Variants in ENTREP2 observed in about 807,000 individuals in gnomAD.
ENTREP2 encodes protein ENTREP2.
the ENTREP2 span, among the ~76,000 whole-genome samples, chr15:29,439,301 A>G: frequency 4.8e-5 from 7 of 146,768 alleles, no homozygotes; most frequent in Non-Finnish European, 4.5e-5. Flanking sequence ...ACACACACAC[A>G]CACACACACA....
At chr15:29,148,051 A>G in the ENTREP2 span, among the ~76,000 whole-genome samples, 1 of 152,242 alleles carries the variant, frequency 6.6e-6, no homozygotes, top group Non-Finnish European at 1.5e-5. Context: ...AAACGGCCAC[A>G]TGTTGTATCA....
the ENTREP2 span, among the ~76,000 whole-genome samples, chr15:29,415,182 G>A: frequency 6.6e-6 from 1 of 152,086 alleles, no homozygotes; most frequent in Admixed American, 6.5e-5. Context: ...TACAAAGTCT[G>A]GCAGAGACAC....
At chr15:29,427,941 C>T in the ENTREP2 span, among the ~76,000 whole-genome samples, 1 of 152,146 alleles carries the variant, frequency 6.6e-6, no homozygotes, top group African/African-American at 2.4e-5. Context: ...GGACACTCTT[C>T]AGACCCATCA....
the ENTREP2 span, among the ~76,000 whole-genome samples, chr15:29,471,355 C>T: frequency 1.3e-5 from 2 of 152,334 alleles, no homozygotes; most frequent in East Asian, 1.9e-4. Flanking sequence ...GACCACACAG[C>T]GGCCCCTCGA....
At chr15:29,427,075 G>T in the ENTREP2 span, among the ~76,000 whole-genome samples, 1 of 152,094 alleles carries the variant, frequency 6.6e-6, no homozygotes, top group Non-Finnish European at 1.5e-5. Context: ...TTGACCCTAG[G>T]TGATTTATTT....
chr15:29,257,469 T>C, the ENTREP2 span, among the ~76,000 whole-genome samples: 1 of 152,230 alleles, frequency 6.6e-6, no homozygotes, highest in African/African-American at 2.4e-5. Context: ...ACGAACTGCC[T>C]TGTTCATATA....
At chr15:29,520,582 TAA>T in the ENTREP2 span, among the ~76,000 whole-genome samples, 2 of 140,066 alleles carry the variant, frequency 1.4e-5, no homozygotes, top group African/African-American at 5.2e-5. Flanking sequence ...ATGTTTCCTA[TAA>T]AAAAAAAAAA....
the ENTREP2 span, among the ~76,000 whole-genome samples, chr15:29,119,891 G>A: frequency 2.0e-5 from 3 of 152,156 alleles, no homozygotes. Flanking sequence ...GAGAGCCCTG[G>A]CTAGCTGAGG....
At chr15:29,624,477 A>C in the ENTREP2 span, among the ~76,000 whole-genome samples, 3 of 152,090 alleles carry the variant, frequency 2.0e-5, no homozygotes, top group Non-Finnish European at 4.4e-5. Flanking sequence ...TCTCCATCTG[A>C]TCAGGGTTAT....
the ENTREP2 span, among the ~76,000 whole-genome samples, chr15:29,596,675 T>G: frequency 6.6e-6 from 1 of 152,154 alleles, no homozygotes; most frequent in African/African-American, 2.4e-5. Flanking sequence ...TTTTATTTTT[T>G]TATTTTTTTT....
chr15:29,633,460 G>T, the ENTREP2 span, among the ~76,000 whole-genome samples: 3 of 150,898 alleles, frequency 2.0e-5, no homozygotes, highest in Admixed American at 6.6e-5. Context: ...TTTGATGTTG[G>T]GGGGGGCGGG....
At chr15:29,301,135 A>G in the ENTREP2 span, among the ~76,000 whole-genome samples, 1 of 152,224 alleles carries the variant, frequency 6.6e-6, no homozygotes, top group African/African-American at 2.4e-5. Context: ...TTATTTTAAA[A>G]TATCAACAGG....
chr15:29,572,662 T>C, the ENTREP2 span, among the ~76,000 whole-genome samples: 1 of 152,064 alleles, frequency 6.6e-6, no homozygotes, highest in Non-Finnish European at 1.5e-5. Context: ...AATTACAGTT[T>C]ATTGACATTG....
chr15:29,326,683 A>G, the ENTREP2 span, among the ~76,000 whole-genome samples: 1 of 152,214 alleles, frequency 6.6e-6, no homozygotes, highest in Admixed American at 6.5e-5. Context: ...TCAAAATCCA[A>G]AAACTATTTT....
chr15:29,666,481 C>G, the ENTREP2 span, among the ~76,000 whole-genome samples: 1 of 151,976 alleles, frequency 6.6e-6, no homozygotes, highest in Admixed American at 6.6e-5. Context: ...GTCATGTCTC[C>G]CCCATTGTCT....
chr15:29,348,289 G>A, the ENTREP2 span, among the ~76,000 whole-genome samples: 136 of 152,182 alleles, frequency 8.9e-4, no homozygotes, highest in African/African-American at 2.9e-3. Flanking sequence ...ATCATATAGG[G>A]TATTAGAAGG....
At chr15:29,175,099 T>TA in the ENTREP2 span, among the ~76,000 whole-genome samples, 5 of 152,232 alleles carry the variant, frequency 3.3e-5, no homozygotes, top group African/African-American at 1.2e-4. Flanking sequence ...GTGTCCCGGG[T>TA]AGCAGCCTGG....
chr15:29,491,382 G>C, the ENTREP2 span, among the ~76,000 whole-genome samples: 1 of 152,214 alleles, frequency 6.6e-6, no homozygotes, highest in African/African-American at 2.4e-5. Flanking sequence ...CGAGGCCCAG[G>C]AGGTGCAGAG....
At chr15:29,405,106 T>C in the ENTREP2 span, among the ~76,000 whole-genome samples, 1 of 152,204 alleles carries the variant, frequency 6.6e-6, no homozygotes, top group East Asian at 1.9e-4. Context: ...AATGCAAACC[T>C]GGCTGGGCGT....
Sources: gnomAD v4.1 joint callset for allele counts (sites outside exome capture counted in the v4.1 genomes callset) on GRCh38, gnomAD v4.1.1 for gene constraint, MANE v1.5 for transcripts, NCBI Gene and HGNC (gene_info 2026-07-23, HGNC 2026-07-21) for gene names.